The following TAF3 variants were observed in gnomAD, a reference collection of about 807,000 sequenced individuals.
The protein encoded by TAF3 is transcription initiation factor TFIID subunit 3.
A neutral mutation model predicts 80.6 loss-of-function variants in TAF3; 7 were observed. The ratio of observed to expected loss-of-function variants is 0.09; its 90% CI spans 0.05 to 0.16. The LOEUF is 0.16. TAF3 is among the 10% of genes least tolerant of loss of function. TAF3 has a pLI of 1.00. For synonymous variants in TAF3, 444 were observed against 446.1 expected, an observed-to-expected ratio of 1.00 and a Z score of 0.06; for missense variants, 921 against 1,140.2, an observed-to-expected ratio of 0.81 and a Z score of 2.77.
At chr10:7,917,302 C>T (rs1837720255) in intron 2 of TAF3, among the ~76,000 whole-genome samples, 1 of 152,182 alleles carries the variant, frequency 6.6e-6, no homozygotes, top group Non-Finnish European at 1.5e-5. Context: ...GGCATTGAAG[C>T]AAATCGAAGG....
intron 2 of TAF3, among the ~76,000 whole-genome samples, chr10:7,954,109 A>G (rs1838111059): frequency 7.4e-6 from 1 of 135,826 alleles, no homozygotes. Context: ...TTTAGAGTGC[A>G]CTCCATAGGT....
intron 2 of TAF3, among the ~76,000 whole-genome samples, chr10:7,849,209 G>A (rs1338934750): frequency 6.6e-6 from 1 of 152,112 alleles, no homozygotes; most frequent in African/African-American, 2.4e-5. Flanking sequence ...GGGAAATAAA[G>A]TGTAGGGATA....
At chr10:7,828,421 G>A (rs1474088126) in intron 2 of TAF3, among the ~76,000 whole-genome samples, 1 of 152,148 alleles carries the variant, frequency 6.6e-6, no homozygotes, top group East Asian at 1.9e-4. Flanking sequence ...TGCTTTATCT[G>A]ATTATATGTT....
At chr10:7,981,126 A>T (rs1831721965) in intron 4 of TAF3, among the ~76,000 whole-genome samples, 1 of 152,230 alleles carries the variant, frequency 6.6e-6, no homozygotes, top group Admixed American at 6.5e-5. Context: ...GTAAAGTATT[A>T]ACAAAAAATA....
chr10:7,991,627 T>C (rs1002965564), intron 4 of TAF3, among the ~76,000 whole-genome samples: 1 of 152,146 alleles, frequency 6.6e-6, no homozygotes, highest in African/African-American at 2.4e-5. Context: ...TAAACATATA[T>C]AGTCACTTCT....
intron 3 of TAF3, among the ~76,000 whole-genome samples, chr10:7,972,201 G>A (rs1339633528): frequency 1.3e-5 from 2 of 152,190 alleles, no homozygotes; most frequent in Non-Finnish European, 2.9e-5. Context: ...GTAAGTGCAT[G>A]TGAGAAATTA....
At chr10:7,882,736 T>C (rs1181810722) in intron 2 of TAF3, among the ~76,000 whole-genome samples, 3 of 152,130 alleles carry the variant, frequency 2.0e-5, no homozygotes, top group South Asian at 4.1e-4. Flanking sequence ...TTGATGAGGG[T>C]TTTGTAGAAT....
chr10:7,910,412 G>C (rs1426795432), intron 2 of TAF3, among the ~76,000 whole-genome samples: 1 of 151,940 alleles, frequency 6.6e-6, no homozygotes, highest in African/African-American at 2.4e-5. Flanking sequence ...ACAGAATCTT[G>C]CTCCATTGCC....
intron 2 of TAF3, among the ~76,000 whole-genome samples, chr10:7,839,692 A>AT (rs71505464): frequency 7.3e-5 from 11 of 149,954 alleles, no homozygotes; most frequent in South Asian, 4.2e-4. Flanking sequence ...GAGTACAATT[A>AT]TTTTTTTTTT....
chr10:7,945,237 A>G (rs571974316), intron 2 of TAF3, among the ~76,000 whole-genome samples: 6 of 152,158 alleles, frequency 3.9e-5, no homozygotes, highest in Non-Finnish European at 8.8e-5. Context: ...GAACAGAGGG[A>G]TGCTAATCCT....
chr10:7,825,521 A>G (rs1836731106), intron 2 of TAF3, among the ~76,000 whole-genome samples: 1 of 151,992 alleles, frequency 6.6e-6, no homozygotes, highest in South Asian at 2.1e-4. Flanking sequence ...CCTGGCAACC[A>G]CCATTCCTTT....
At chr10:7,980,932 T>TA (rs1258556202) in intron 4 of TAF3, among the ~76,000 whole-genome samples, 4 of 152,188 alleles carry the variant, frequency 2.6e-5, no homozygotes, top group African/African-American at 9.7e-5. Context: ...TTGGCTAACT[T>TA]ACAGTGTTCA....
At chr10:7,874,037 C>T (rs1054587495) in intron 2 of TAF3, among the ~76,000 whole-genome samples, 7 of 152,128 alleles carry the variant, frequency 4.6e-5, no homozygotes, top group Non-Finnish European at 7.4e-5. Context: ...AAGTCAAGTG[C>T]ATTAGGATCA....
chr10:7,938,221 G>T (rs1837941435), intron 2 of TAF3, among the ~76,000 whole-genome samples: 1 of 152,202 alleles, frequency 6.6e-6, no homozygotes, highest in African/African-American at 2.4e-5. Context: ...ACTTGAAGCA[G>T]TGGAGAGCCT....
intron 4 of TAF3, among the ~76,000 whole-genome samples, chr10:7,977,596 G>A (rs1451424720): frequency 6.6e-6 from 1 of 151,670 alleles, no homozygotes; most frequent in Non-Finnish European, 1.5e-5. Flanking sequence ...AGTCTTTAAG[G>A]TCCCACTTAT....
intron 2 of TAF3, among the ~76,000 whole-genome samples, chr10:7,912,941 T>A (rs1382175299): frequency 6.6e-6 from 1 of 152,110 alleles, no homozygotes; most frequent in East Asian, 1.9e-4. Context: ...ACAGACTGGG[T>A]GGCTTAAGCA....
intron 4 of TAF3, among the ~76,000 whole-genome samples, chr10:8,008,272 AT>A (rs1482154982): frequency 6.6e-6 from 1 of 151,268 alleles, no homozygotes; most frequent in East Asian, 2.0e-4. Context: ...AATTTTTTGT[AT>A]TTTTTAGTAG....
At chr10:7,872,824 T>C (rs908366377) in intron 2 of TAF3, among the ~76,000 whole-genome samples, 1 of 152,206 alleles carries the variant, frequency 6.6e-6, no homozygotes, top group Non-Finnish European at 1.5e-5. Flanking sequence ...AAGTTATTTC[T>C]TTCTTTCTTA....
rs180739782 is a variant in TAF3, at chr10:7,911,462, A to G, written c.410-52458A>G. Among the ~76,000 whole-genome samples the G allele has an allele frequency of 1.8e-4, 27 of 152,354 alleles. No individual in the cohort carries two copies. In the East Asian group the frequency reaches 3.9e-3, roughly 22 times the overall value. On this transcript the variant is annotated intron_variant, in intron 2 of 6. Transcript: ENST00000344293. ...CATGGCAGAGAAGCAGACCCAAAGG[A>G]AATAAAGTAATGCATTTTAAGAAAT...
Sources: gnomAD v4.1 joint callset for allele counts (sites outside exome capture counted in the v4.1 genomes callset) on GRCh38, gnomAD v4.1.1 for gene constraint, MANE v1.5 for transcripts, NCBI Gene and HGNC (gene_info 2026-07-23, HGNC 2026-07-21) for gene names.